The following CLEC16A variants were observed in gnomAD, a reference collection of about 807,000 sequenced individuals.
CLEC16A encodes C-type lectin domain containing 16A, also known as protein CLEC16A.
In CLEC16A, 51 loss-of-function variants were observed where a neutral mutation model predicts 109.5. The observed-to-expected ratio is 0.47, with a 90% CI of 0.37 to 0.59. The LOEUF (loss-of-function observed/expected upper bound fraction) is 0.59. CLEC16A is among the 20% of genes least tolerant of loss of function. The probability of loss-of-function intolerance (pLI) is 0.00; values close to 1 mark genes in which losing one functional copy is unlikely to be tolerated. For synonymous variants in CLEC16A, 673 were observed against 564.2 expected, an observed-to-expected ratio of 1.19 and a Z score of -2.73; for missense variants, 1,339 against 1,394.0, an observed-to-expected ratio of 0.96 and a Z score of 0.63.
At position 10,961,968 on chromosome 16, in the gene CLEC16A, CTT is replaced by C. The variant is rs5815604; in HGVS notation, c.210-474_210-473del. Among the ~76,000 whole-genome samples the C allele has an allele frequency of 6.6e-4, 89 of 135,296 alleles. No individual in the cohort carries two copies. The highest frequency in any genetic ancestry group is 7.5e-4 in the Non-Finnish European group (48 of 63,780). The allele number at this position is 135,296 out of a possible 152,430, so 88.8% of individuals were successfully genotyped here. ...TTGGGAACTTTTTTTTCTTTTTTTTCTTTTTTTTTTTTTTGGCTCTGTCACCC... is the reference window on the plus strand; with the variant it reads ...TTGGGAACTTTTTTTTCTTTTTTTTCTTTTTTTTTTTTGGCTCTGTCACCC... On this transcript the variant is annotated intron_variant, in intron 2 of 23. Transcript: ENST00000409790. This position sits in a 1 kb window ranked among gnomAD's most constrained non-coding sequence, Gnocchi z 4.3.
intron 18 of CLEC16A, among the ~76,000 whole-genome samples, chr16:11,054,242 G>C (rs1174169383): frequency 6.6e-6 from 1 of 152,246 alleles, no homozygotes; most frequent in Admixed American, 6.5e-5. Context: ...CGAGAGATGG[G>C]AGAAATGCAG....
chr16:11,037,284 C>G (rs2047075933), intron 13 of CLEC16A, among the ~76,000 whole-genome samples: 1 of 152,148 alleles, frequency 6.6e-6, no homozygotes, highest in South Asian at 2.1e-4. Context: ...CCATTTGGAC[C>G]CCACCCACCT....
intron 5 of CLEC16A, 28 bp from the exon 6 acceptor site, chr16:10,972,526 A>G (rs2042842922): frequency 6.2e-7 from 1 of 1,611,752 alleles, no homozygotes; most frequent in Non-Finnish European, 8.5e-7. Flanking sequence ...TTTTCCTTCA[A>G]TGACGATTCC....
At chr16:10,984,121 T>TG (rs2043486743) in intron 10 of CLEC16A, among the ~76,000 whole-genome samples, 1 of 152,128 alleles carries the variant, frequency 6.6e-6, no homozygotes, top group East Asian at 1.9e-4. Flanking sequence ...CAGCTCGCCC[T>TG]GGGGTAGTAG....
chr16:11,094,653 T>C (rs1312855107), intron 19 of CLEC16A, among the ~76,000 whole-genome samples: 2 of 152,272 alleles, frequency 1.3e-5, no homozygotes, highest in Non-Finnish European at 2.9e-5. Context: ...CTCTCCCTTT[T>C]TTCCTGTGGG....
intron 22 of CLEC16A, chr16:11,156,440 T>C (rs887781736): frequency 3.2e-5 from 11 of 338,976 alleles, no homozygotes; most frequent in African/African-American, 2.4e-4. Context: ...GGCCATCCTT[T>C]GCAAGCAGGG....
At chr16:11,082,094 G>T (rs2049755019) in intron 19 of CLEC16A, among the ~76,000 whole-genome samples, 1 of 152,182 alleles carries the variant, frequency 6.6e-6, no homozygotes, top group African/African-American at 2.4e-5. Flanking sequence ...TCAAGTATAT[G>T]TATGAGAATT....
intron 13 of CLEC16A, among the ~76,000 whole-genome samples, chr16:11,031,984 G>A (rs2046766736): frequency 6.6e-6 from 1 of 152,214 alleles, no homozygotes; most frequent in Admixed American, 6.5e-5. Context: ...CAAACTCCAG[G>A]CAGACCAACC....
intron 23 of CLEC16A, among the ~76,000 whole-genome samples, chr16:11,169,733 C>T (rs77555162): frequency 1.2e-4 from 19 of 152,330 alleles, no homozygotes; most frequent in Non-Finnish European, 2.5e-4. Context: ...TTGTTAAAAG[C>T]TGGGAGTGAC....
At chr16:11,151,633 T>C (rs1476477091) in intron 22 of CLEC16A, among the ~76,000 whole-genome samples, 1 of 152,256 alleles carries the variant, frequency 6.6e-6, no homozygotes, top group East Asian at 1.9e-4. Flanking sequence ...ATTTCAGAAA[T>C]ACTGGGCCCT....
chr16:11,031,034 A>G (rs557546769), intron 13 of CLEC16A, among the ~76,000 whole-genome samples: 35 of 152,176 alleles, frequency 2.3e-4, no homozygotes, highest in Non-Finnish European at 4.6e-4. Flanking sequence ...TTTAATCTCC[A>G]TGAGGTTCCT....
At chr16:10,988,628 C>G (rs921873165) in intron 10 of CLEC16A, among the ~76,000 whole-genome samples, 1 of 152,182 alleles carries the variant, frequency 6.6e-6, no homozygotes, top group Non-Finnish European at 1.5e-5. Context: ...GCCTCAGTGG[C>G]TGGGTTTGCA....
chr16:10,994,986 T>C (rs1190414042), intron 10 of CLEC16A, among the ~76,000 whole-genome samples: 1 of 152,184 alleles, frequency 6.6e-6, no homozygotes, highest in Non-Finnish European at 1.5e-5. Flanking sequence ...TATTCCTGGG[T>C]TCAAATCCTG....
At chr16:11,142,085 C>A (rs1325164370) in intron 22 of CLEC16A, among the ~76,000 whole-genome samples, 1 of 152,162 alleles carries the variant, frequency 6.6e-6, no homozygotes, top group Non-Finnish European at 1.5e-5. Context: ...AGCCCAGGTT[C>A]ACAGCAGGGA....
intron 2 of CLEC16A, among the ~76,000 whole-genome samples, chr16:10,960,979 T>C (rs1393200458): frequency 6.6e-6 from 1 of 152,164 alleles, no homozygotes; most frequent in African/African-American, 2.4e-5. Context: ...CACCCTTTTT[T>C]CCCAATGAAT....
At chr16:10,980,212 T>C (rs2043241412) in intron 9 of CLEC16A, among the ~76,000 whole-genome samples, 1 of 152,150 alleles carries the variant, frequency 6.6e-6, no homozygotes, top group Non-Finnish European at 1.5e-5. Context: ...GAGGAGAGGT[T>C]CAGAGGCCAC....
Position 11,023,949 on chromosome 16 carries a change from A to G in CLEC16A, c.1437-872A>G, listed in dbSNP as rs185986866. ...TGGTGTTGAAGAGTATTTTTCTGTG[A>G]GGCCCTTCACCTGGAAAGGCAGCAT... On this transcript the variant is annotated intron_variant, in intron 12 of 23. Coordinates refer to ENST00000409790, the MANE Select transcript of CLEC16A (RefSeq NM_015226.3). Among the ~76,000 whole-genome samples the G allele has an allele frequency of 3.3e-5, 5 of 152,318 alleles. No individual in the cohort carries two copies. The East Asian group carries it at 9.6e-4, about 29-fold the overall frequency.
At chr16:10,988,605 C>T (rs1365579612) in intron 10 of CLEC16A, among the ~76,000 whole-genome samples, 2 of 152,286 alleles carry the variant, frequency 1.3e-5, no homozygotes, top group Non-Finnish European at 2.9e-5. Context: ...CCCTTGAATG[C>T]CGCCTTCTCT....
rs1018776946 is a variant in CLEC16A at position 10,944,651 on chromosome 16, G to A, written c.-67G>A. On this transcript the variant is annotated 5_prime_UTR_variant, in exon 1 of 24. Transcript: ENST00000409790. ...CATCCTCCGCTTGTGCTACCGCCGC[G>A]GGCGCTGGGCCGCTCTGCTGGTCCG... The A allele has an allele frequency of 2.1e-6, 3 of 1,461,582 alleles. No homozygotes were observed. Among genetic ancestry groups the A allele is most frequent in the Non-Finnish European group, 2.8e-6 (3 of 1,068,862 alleles). 90.5% of individuals were successfully genotyped at this position (1,461,582 alleles called of 1,614,324 possible).
Sources: allele counts gnomAD v4.1 joint callset (sites outside exome capture counted in the v4.1 genomes callset), GRCh38; gene constraint gnomAD v4.1.1; non-coding constraint Gnocchi (gnomAD v3.1); transcripts MANE v1.5; gene names NCBI Gene and HGNC (gene_info 2026-07-23, HGNC 2026-07-21).